The following TMEM108 variants were observed in gnomAD, a reference collection of about 807,000 sequenced individuals.
TMEM108 encodes the protein cancer/testis antigen 124.
TMEM108 carries 12 observed loss-of-function variants against 35.1 expected under a neutral mutation model. The observed-to-expected ratio is 0.34, with a 90% CI of 0.22 to 0.55. The LOEUF is 0.55. Ranked by LOEUF, TMEM108 falls within the 20% of genes least tolerant of loss-of-function variation. TMEM108 has a pLI of 0.89. For missense variants in TMEM108, 680 were observed against 753.3 expected (o/e 0.90, Z 1.14); for synonymous variants, 287 against 308.6 (o/e 0.93, Z 0.73).
At chr3:133,362,092 T>C (rs531942061) in intron 3 of TMEM108, among the ~76,000 whole-genome samples, 1 of 152,268 alleles carries the variant, frequency 6.6e-6, no homozygotes, top group East Asian at 1.9e-4. Flanking sequence ...ATACTGATGA[T>C]GTGATGCTTG....
intron 2 of TMEM108, among the ~76,000 whole-genome samples, chr3:133,106,185 T>G (rs960089759): frequency 5.3e-5 from 8 of 151,478 alleles, no homozygotes; most frequent in South Asian, 2.1e-4. Flanking sequence ...GTTTTTTTTT[T>G]TTTTTTTTTT....
intron 2 of TMEM108, among the ~76,000 whole-genome samples, chr3:133,081,928 G>C (rs1943815942): frequency 6.6e-6 from 1 of 152,190 alleles, no homozygotes. Flanking sequence ...CCCATTGGTT[G>C]GGAGTGGCAA....
intron 3 of TMEM108, among the ~76,000 whole-genome samples, chr3:133,312,545 A>C (rs969889906): frequency 6.6e-6 from 1 of 152,218 alleles, no homozygotes; most frequent in Non-Finnish European, 1.5e-5. Context: ...CAGGCATGGG[A>C]GAGAATCTCC....
At chr3:133,149,206 C>G (rs924601795) in intron 2 of TMEM108, among the ~76,000 whole-genome samples, 1 of 152,074 alleles carries the variant, frequency 6.6e-6, no homozygotes, top group African/African-American at 2.4e-5. Context: ...CCTTTCCTGT[C>G]TCCCCCAACC....
intron 3 of TMEM108, among the ~76,000 whole-genome samples, chr3:133,355,675 ACACT>A (rs1275194291): frequency 6.6e-6 from 1 of 152,194 alleles, no homozygotes; most frequent in Non-Finnish European, 1.5e-5. Context: ...AGGAAAGAAG[ACACT>A]CACGGAGCAG....
chr3:133,252,455 G>A (rs768381746), intron 3 of TMEM108, among the ~76,000 whole-genome samples: 9 of 152,094 alleles, frequency 5.9e-5, no homozygotes, highest in African/African-American at 1.7e-4. Flanking sequence ...ATCACAATTC[G>A]TGAGCCTGCA....
chr3:133,374,542 T>TTATATA (rs10580755), intron 3 of TMEM108, among the ~76,000 whole-genome samples: 123 of 145,810 alleles, frequency 8.4e-4, no homozygotes, highest in African/African-American at 1.2e-3. Context: ...ATAATTTTTG[T>TTATATA]TATATATATA....
intron 3 of TMEM108, chr3:133,246,274 T>C (rs1449667705): frequency 1.3e-5 from 2 of 152,218 alleles, no homozygotes; most frequent in African/African-American, 2.4e-5. Flanking sequence ...TGAAGTTCCT[T>C]AGCCCTTCCT....
chr3:133,298,061 C>T (rs1947170648), intron 3 of TMEM108, among the ~76,000 whole-genome samples: 2 of 152,124 alleles, frequency 1.3e-5, no homozygotes, highest in African/African-American at 4.8e-5. Flanking sequence ...TGAGCTCCTG[C>T]CCTCCCCTGA....
Position 133,381,153 on chromosome 3 carries a change from C to T in TMEM108, c.1442C>T (p.Ser481Phe). Residue 481 changes from serine (S) to phenylalanine (F), a missense_variant, in exon 4 of 6, where the codon TCC (serine) becomes TTC (phenylalanine). Physicochemically the swap from Ser to Phe is radical, Grantham distance 155. Coordinates refer to ENST00000321871, the MANE Select transcript of TMEM108 (RefSeq NM_023943.4). ...WVILAISVPI[S>F]SCSVLLTVCC... is the part of the protein sequence containing the mutation. Reference sequence around the variant, plus strand: ...ATCCTGGCCATCAGCGTGCCCATCTCCTCCTGCTGTAAGTGCCGCCCTCTC... The same window carrying T: ...ATCCTGGCCATCAGCGTGCCCATCTTCTCCTGCTGTAAGTGCCGCCCTCTC... 1.3e-6 allele frequency: 2 copies of T among 1,597,916 alleles called. No individual in the cohort carries two copies. The highest frequency in any genetic ancestry group is 1.7e-6 in the Non-Finnish European group (2 of 1,169,010).
chr3:133,302,435 T>TC, intron 3 of TMEM108, among the ~76,000 whole-genome samples: 1 of 148,496 alleles, frequency 6.7e-6, no homozygotes, highest in African/African-American at 2.5e-5. Context: ...TTTTTTTTTT[T>TC]TTTGAGACAG....
At chr3:133,157,431 A>G (rs972847630) in intron 2 of TMEM108, among the ~76,000 whole-genome samples, 1 of 152,220 alleles carries the variant, frequency 6.6e-6, no homozygotes, top group Non-Finnish European at 1.5e-5. Context: ...GTGTGTACAC[A>G]TACACACACA....
intron 3 of TMEM108, among the ~76,000 whole-genome samples, chr3:133,365,921 A>C (rs898949638): frequency 4.6e-5 from 7 of 152,124 alleles, no homozygotes; most frequent in African/African-American, 1.4e-4. Flanking sequence ...ATAACTACTA[A>C]AGAAGTTTGC....
intron 2 of TMEM108, among the ~76,000 whole-genome samples, chr3:133,149,414 A>G (rs562914587): frequency 1.6e-4 from 24 of 152,354 alleles, no homozygotes; most frequent in African/African-American, 5.8e-4. Context: ...TATACAATAC[A>G]TTATAATTAA....
chr3:133,046,562 A>G (rs988772511), intron 2 of TMEM108, among the ~76,000 whole-genome samples: 1 of 152,200 alleles, frequency 6.6e-6, no homozygotes, highest in African/African-American at 2.4e-5. Context: ...TATTTTATCC[A>G]GCATCACTGG....
chr3:133,259,243 C>T (rs1365979623), intron 3 of TMEM108, among the ~76,000 whole-genome samples: 1 of 152,164 alleles, frequency 6.6e-6, no homozygotes, highest in Non-Finnish European at 1.5e-5. Context: ...AGATGTCATT[C>T]TTTCCTTTAT....
At chr3:133,276,086 C>T (rs1946834890) in intron 3 of TMEM108, among the ~76,000 whole-genome samples, 1 of 152,124 alleles carries the variant, frequency 6.6e-6, no homozygotes, top group Admixed American at 6.6e-5. Context: ...GCCATGGAGA[C>T]TTAGGATTGC....
chr3:133,297,443 A>G (rs1264302452), intron 3 of TMEM108, among the ~76,000 whole-genome samples: 1 of 152,226 alleles, frequency 6.6e-6, no homozygotes, highest in Non-Finnish European at 1.5e-5. Context: ...AGTGATTGAA[A>G]GAAGAAAGAG....
chr3:133,313,786 G>A (rs948720483), intron 3 of TMEM108, among the ~76,000 whole-genome samples: 2 of 151,974 alleles, frequency 1.3e-5, no homozygotes, highest in African/African-American at 2.4e-5. Flanking sequence ...AGACCAGCAC[G>A]TTTAGATTTT....
Sources: gnomAD v4.1 joint callset for allele counts (sites outside exome capture counted in the v4.1 genomes callset) on GRCh38, gnomAD v4.1.1 for gene constraint, MANE v1.5 for transcripts, NCBI Gene and HGNC (gene_info 2026-07-23, HGNC 2026-07-21) for gene names.